MAN2A1: variants seen among roughly 807,000 people sequenced by gnomAD.
MAN2A1 encodes mannosidase alpha class 2A member 1.
A neutral mutation model predicts 142.6 loss-of-function variants in MAN2A1; 76 were observed. The observed-to-expected ratio is 0.53, with a 90% CI of 0.44 to 0.65. MAN2A1 has a LOEUF of 0.65. Among genes scored for constraint, MAN2A1 ranks in the 30% least tolerant of loss-of-function variants. MAN2A1 has a pLI of 0.00. For synonymous variants in MAN2A1, 559 were observed against 473.2 expected (o/e 1.18, Z -2.35); for missense variants, 1,311 against 1,365.1 (o/e 0.96, Z 0.62).
intron 1 of MAN2A1, chr5:109,699,629 G>A (rs1015975): frequency 0.38 from 57,371 of 152,554 alleles, 11,616 homozygotes; most frequent in African/African-American, 0.54. Context: ...TCCAGCAGGG[G>A]AGTGCAGCTC....
At position 109,869,186 on chromosome 5, in the gene MAN2A1, C is replaced by T. The variant is rs1007171660; in HGVS notation, c.*2188C>T. The T allele has an allele frequency of 6.6e-6, 1 of 152,150 alleles. No homozygotes were observed. Among genetic ancestry groups the T allele is most frequent in the Non-Finnish European group, 1.5e-5 (1 of 68,032 alleles). The allele number at this position is 152,150 out of a possible 1,614,324, so 9.4% of individuals were successfully genotyped here. A position where few individuals can be genotyped will look rare whatever the true frequency, so the allele number is the denominator to read the frequency against. On this transcript the variant is annotated 3_prime_UTR_variant, in exon 22 of 22. Coordinates refer to ENST00000261483, the MANE Select transcript of MAN2A1 (RefSeq NM_002372.4). ...AAAAACTGATTAAATAATTTAATGTCTCTGGCACACACTAAAAACCATACA... is the reference window on the plus strand; with the variant it reads ...AAAAACTGATTAAATAATTTAATGTTTCTGGCACACACTAAAAACCATACA...
At chr5:109,714,051 A>G (rs1352900182) in intron 2 of MAN2A1, among the ~76,000 whole-genome samples, 1 of 152,084 alleles carries the variant, frequency 6.6e-6, no homozygotes, top group Admixed American at 6.5e-5. Context: ...GTAATAGTTG[A>G]AAACCTTTAA....
At chr5:109,841,241 A>G (rs1257119772) in intron 16 of MAN2A1, among the ~76,000 whole-genome samples, 2 of 152,178 alleles carry the variant, frequency 1.3e-5, no homozygotes, top group African/African-American at 4.8e-5. Flanking sequence ...TGGTGCACCC[A>G]TCACCTGAGC....
At chr5:109,700,735 C>G (rs1385151205) in intron 1 of MAN2A1, among the ~76,000 whole-genome samples, 2 of 152,056 alleles carry the variant, frequency 1.3e-5, no homozygotes, top group Admixed American at 1.3e-4. Flanking sequence ...GATAAGGGCA[C>G]CGAGTCACAC....
chr5:109,700,966 G>C lies in MAN2A1; in HGVS notation c.135+10414G>C, dbSNP rs78500450. Among the ~76,000 whole-genome samples, 866 of 152,276 alleles carry C rather than the reference G, an allele frequency of 5.7e-3. 10 individuals carry two copies. Among genetic ancestry groups the C allele is most frequent in the African/African-American group, 0.02 (816 of 41,546 alleles). ...AAAACTGCCGTTTGTGAAACTATTA[G>C]AGCCAGTTAAGTGCTATTATTCATT... On this transcript the variant is annotated intron_variant, in intron 1 of 21. Coordinates refer to ENST00000261483, the MANE Select transcript of MAN2A1 (RefSeq NM_002372.4).
Position 109,691,013 on chromosome 5 carries a change from C to CT in MAN2A1, c.135+469dup, listed in dbSNP as rs1487184521. 3.3e-5 allele frequency among the ~76,000 whole-genome samples: 5 copies of CT among 152,186 alleles called. No homozygotes were observed. The East Asian group carries it at 5.8e-4, about 18-fold the overall frequency. ...ATGGATCAAACCGAACCCACCTAGG[C>CT]TTTTTTTTCTTTTTCTTCCCCGCTG... On this transcript the variant is annotated intron_variant, in intron 1 of 21. Coordinates refer to ENST00000261483, the MANE Select transcript of MAN2A1 (RefSeq NM_002372.4).
At position 109,832,083 on chromosome 5, in the gene MAN2A1, T is replaced by A. The variant is rs147941729; in HGVS notation, c.2566+8246T>A. On this transcript the variant is annotated intron_variant, in intron 16 of 21. Coordinates refer to ENST00000261483, the MANE Select transcript of MAN2A1 (RefSeq NM_002372.4). ...GCTAGAATGATATATGATTTTATTC[T>A]TAATTTTTATTTATATAAATATCAG... Among the ~76,000 whole-genome samples, 224 of 151,534 alleles carry A rather than the reference T, an allele frequency of 1.5e-3. 1 individual carries two copies. In the East Asian group the frequency reaches 0.018, roughly 12 times the overall value.
At chr5:109,738,637 A>G (rs1041168547) in intron 4 of MAN2A1, among the ~76,000 whole-genome samples, 21 of 152,144 alleles carry the variant, frequency 1.4e-4, no homozygotes. Context: ...CATTTGTCAA[A>G]TGAGGATAAT....
At chr5:109,768,683 C>T (rs1017668853) in intron 6 of MAN2A1, among the ~76,000 whole-genome samples, 7 of 152,002 alleles carry the variant, frequency 4.6e-5, no homozygotes, top group African/African-American at 9.7e-5. Flanking sequence ...AAATTTAGAC[C>T]GTAACTTTCT....
chr5:109,713,237 G>A (rs551829939), intron 1 of MAN2A1, among the ~76,000 whole-genome samples: 1 of 152,122 alleles, frequency 6.6e-6, no homozygotes. Context: ...ACTGAGTTTG[G>A]GGGGAACAGA....
intron 5 of MAN2A1, among the ~76,000 whole-genome samples, chr5:109,761,716 G>A (rs999263216): frequency 9.2e-5 from 14 of 151,748 alleles, no homozygotes; most frequent in Non-Finnish European, 1.8e-4. Flanking sequence ...ATTCTTCCTT[G>A]TATTACGTGA....
rs761411796 is a variant in MAN2A1, at chr5:109,729,440, A to G, written c.634A>G (p.Ile212Val). The G allele has an allele frequency of 1.2e-6, 2 of 1,604,318 alleles. No individual in the cohort carries two copies. The highest frequency in any genetic ancestry group is 1.7e-6 in the Non-Finnish European group (2 of 1,173,998). Reference sequence around the variant, plus strand: ...GAAAGAAGACTCACGGAGGAAGTTTATTTGGTCTGAGATCTCTTACCTTTC... The same window carrying G: ...GAAAGAAGACTCACGGAGGAAGTTTGTTTGGTCTGAGATCTCTTACCTTTC... ...KLKEDSRRKF[I>V]WSEISYLSKW... The change falls in exon 4 of 22, where the codon ATT becomes GTT. Residue 212 changes from isoleucine to valine, a missense_variant. By Grantham distance (29) the Ile-to-Val change is conservative. This residue lies in a region of MAN2A1 where 409 missense variants were observed against 412.7 expected (regional missense o/e 0.99). Coordinates refer to ENST00000261483, the MANE Select transcript of MAN2A1 (RefSeq NM_002372.4).
chr5:109,748,502 C>T (rs186022434), intron 4 of MAN2A1, among the ~76,000 whole-genome samples: 23 of 151,468 alleles, frequency 1.5e-4, no homozygotes, highest in Non-Finnish European at 1.5e-4. Flanking sequence ...GATTCCTGCG[C>T]TCATGGTACT....
intron 12 of MAN2A1, among the ~76,000 whole-genome samples, chr5:109,803,923 C>T (rs7707815): frequency 0.65 from 98,560 of 151,964 alleles, 32,662 homozygotes; most frequent in East Asian, 0.93. Flanking sequence ...GTGGGAGTAA[C>T]TGATGGTTAC....
rs778787801 is a variant in MAN2A1, at chr5:109,866,929, C to T, written c.3366C>T (p.Gly1122=). 3.7e-6 allele frequency: 6 copies of T among 1,612,886 alleles called. No individual in the cohort carries two copies. In the East Asian group the frequency reaches 8.9e-5, roughly 24 times the overall value. Residue 1122 remains glycine, a synonymous_variant, in exon 22 of 22, where the codon GGC becomes GGT. Transcript: ENST00000261483. ...TATCCTTGATGCATTCACCTCCCGG[C>T]ACTCAGAATATAAGTGAGATCAACT... ...SSLSLMHSPP[G]TQNISEINLS...
rs757828449 is a variant in MAN2A1, at chr5:109,779,565, G to GCA, written c.1375-1814_1375-1813dup. On this transcript the variant is annotated intron_variant, in intron 8 of 21. Coordinates refer to ENST00000261483, the MANE Select transcript of MAN2A1 (RefSeq NM_002372.4). ...TTTATGGTTACACACACACACGCGT[G>GCA]CACACACACACACACACAAACACAC... is the stretch of plus-strand genomic sequence containing the variant. Among the ~76,000 whole-genome samples the GCA allele has an allele frequency of 1.8e-4, 13 of 73,218 alleles. No individual in the cohort carries two copies. In the South Asian group the frequency reaches 2.9e-3, roughly 16 times the overall value. The allele number at this position is 73,218 out of a possible 152,430, so 48.0% of individuals were successfully genotyped here.
At chr5:109,697,417 T>A (rs1173218363) in intron 1 of MAN2A1, among the ~76,000 whole-genome samples, 8 of 152,068 alleles carry the variant, frequency 5.3e-5, no homozygotes, top group Admixed American at 4.6e-4. Flanking sequence ...AGGTGGGAGG[T>A]TAGGGAAAGA....
intron 12 of MAN2A1, among the ~76,000 whole-genome samples, chr5:109,812,935 TA>T (rs1247064705): frequency 1.3e-5 from 2 of 152,206 alleles, no homozygotes; most frequent in African/African-American, 4.8e-5. Context: ...AAATTACAGT[TA>T]TTTTTCATAT....
chr5:109,690,323 G>C lies in MAN2A1; in HGVS notation c.-95G>C. 6 of 1,380,818 alleles carry C rather than the reference G, an allele frequency of 4.3e-6. No individual in the cohort carries two copies. The highest frequency in any genetic ancestry group is 6.2e-6 in the Non-Finnish European group (6 of 974,874). The allele number at this position is 1,380,818 out of a possible 1,614,324, so 85.5% of individuals were successfully genotyped here. A position where few individuals can be genotyped will look rare whatever the true frequency, so the allele number is the denominator to read the frequency against. On this transcript the variant is annotated 5_prime_UTR_variant, in exon 1 of 22. Transcript: ENST00000261483. ...AGAGCGCGGAGGTCGCGCAGCCCGG[G>C]AGAAGGGAGCCTCCGGCGGCTGCTT...
Sources: allele counts gnomAD v4.1 joint callset (sites outside exome capture counted in the v4.1 genomes callset), GRCh38; gene constraint gnomAD v4.1.1; regional missense constraint gnomAD v4.1.1; transcripts MANE v1.5; gene names NCBI Gene and HGNC (gene_info 2026-07-23, HGNC 2026-07-21).